The following IGF1R variants were observed in gnomAD, a reference collection of about 807,000 sequenced individuals.
IGF1R encodes insulin like growth factor 1 receptor, also known as insulin-like growth factor 1 receptor.
In IGF1R, 44 loss-of-function variants were observed where a neutral mutation model predicts 144.6. The ratio of observed to expected loss-of-function variants is 0.30; its 90% CI spans 0.24 to 0.39. The LOEUF (loss-of-function observed/expected upper bound fraction) is 0.39, where lower values mean the gene tolerates loss of function less well. Among genes scored for constraint, IGF1R ranks in the 10% least tolerant of loss-of-function variants. The probability of loss-of-function intolerance (pLI) is 1.00; values close to 1 mark genes in which losing one functional copy is unlikely to be tolerated. For synonymous variants in IGF1R, 795 were observed against 722.8 expected (o/e 1.10, Z -1.60); for missense variants, 1,355 against 1,833.7 (o/e 0.74, Z 4.77).
At chr15:98,671,659 G>A (rs1223326784) in intron 1 of IGF1R, among the ~76,000 whole-genome samples, 2 of 152,128 alleles carry the variant, frequency 1.3e-5, no homozygotes, top group African/African-American at 2.4e-5. Flanking sequence ...CTACATAAAA[G>A]AGCCAGGATT....
intron 1 of IGF1R, among the ~76,000 whole-genome samples, chr15:98,673,013 T>TA (rs1491566655): frequency 1.9e-4 from 29 of 152,060 alleles, no homozygotes; most frequent in Non-Finnish European, 4.1e-4. Flanking sequence ...TACTTTTTTT[T>TA]AAAAAAATGA....
At position 98,681,663 on chromosome 15, in the gene IGF1R, T is replaced by A. The variant is rs143374002; in HGVS notation, c.95-25899T>A. The stretch of plus-strand genomic sequence containing the variant: ...TCATGCTCCACCCTCAAGGCTATTC[T>A]TGGGGGAGTTGTGACATGGCTTTCA... On this transcript the variant is annotated intron_variant, in intron 1 of 20. Transcript: ENST00000650285. Among the ~76,000 whole-genome samples, 355 of 152,298 alleles carry A rather than the reference T, an allele frequency of 2.3e-3. 1 individual carries two copies. The highest frequency in any genetic ancestry group is 8.1e-3 in the African/African-American group (338 of 41,564).
chr15:98,884,079 C>T (rs1003478656), intron 2 of IGF1R, among the ~76,000 whole-genome samples: 11 of 152,126 alleles, frequency 7.2e-5, no homozygotes, highest in Admixed American at 2.6e-4. Flanking sequence ...CCCTCGAGCA[C>T]ATTTCTTTTA....
At chr15:98,931,444 C>G (rs1001240354) in intron 15 of IGF1R, among the ~76,000 whole-genome samples, 1 of 152,122 alleles carries the variant, frequency 6.6e-6, no homozygotes, top group Non-Finnish European at 1.5e-5. Context: ...TAGGGTTTTA[C>G]TATGGTTTCT....
intron 2 of IGF1R, among the ~76,000 whole-genome samples, chr15:98,743,600 G>A (rs1477231812): frequency 3.9e-5 from 6 of 152,194 alleles, no homozygotes; most frequent in African/African-American, 1.4e-4. Context: ...TGGAAAGGTG[G>A]GGAACCTGGA....
intron 1 of IGF1R, among the ~76,000 whole-genome samples, chr15:98,699,793 A>G (rs1204139400): frequency 6.6e-6 from 1 of 152,136 alleles, no homozygotes; most frequent in Admixed American, 6.5e-5. Context: ...TATTTTGTTG[A>G]TATGCATGAT....
rs2013888676 is a variant in IGF1R at position 98,891,150 on chromosome 15, A to G, written c.641-175A>G. Among the ~76,000 whole-genome samples, 1 of 152,178 alleles carries G rather than the reference A, an allele frequency of 6.6e-6. No homozygotes were observed. Among genetic ancestry groups the G allele is most frequent in the African/African-American group, 2.4e-5 (1 of 41,444 alleles). ...ATCGACTCTCTGCAGGTCTAAGTGG[A>G]TGAAAGGACAGTGGTGGGGGTGAGG... is the stretch of plus-strand genomic sequence containing the variant. On this transcript the variant is annotated intron_variant, in intron 2 of 20. Coordinates refer to ENST00000650285, the MANE Select transcript of IGF1R (RefSeq NM_000875.5). The surrounding 1 kb of genome is among the most constrained non-coding windows in gnomAD (Gnocchi z 4.7).
At chr15:98,665,172 T>C (rs889022241) in intron 1 of IGF1R, among the ~76,000 whole-genome samples, 6 of 152,090 alleles carry the variant, frequency 3.9e-5, no homozygotes, top group South Asian at 2.1e-4. Flanking sequence ...AGGATGGTCT[T>C]GATCTCCTGA....
At chr15:98,937,340 A>G (rs1384133334) in intron 17 of IGF1R, among the ~76,000 whole-genome samples, 2 of 152,190 alleles carry the variant, frequency 1.3e-5, no homozygotes, top group African/African-American at 2.4e-5. Flanking sequence ...CAGGCACAGA[A>G]TAAAAATTCA....
chr15:98,728,019 T>G lies in IGF1R; in HGVS notation c.640+19912T>G, dbSNP rs1171298556. Among the ~76,000 whole-genome samples, 3 of 150,800 alleles carry G rather than the reference T, an allele frequency of 2.0e-5. No individual in the cohort carries two copies. The East Asian group carries it at 5.9e-4, about 29-fold the overall frequency. On this transcript the variant is annotated intron_variant, in intron 2 of 20. Transcript: ENST00000650285. ...CTGAAGATGCATTGTTTTTTTTTTTTTTTTTTTTTTAAGCGAGCAGCAGCA... is the reference window on the plus strand; with the variant it reads ...CTGAAGATGCATTGTTTTTTTTTTTGTTTTTTTTTTAAGCGAGCAGCAGCA...
chr15:98,669,693 C>T (rs909824053), intron 1 of IGF1R, among the ~76,000 whole-genome samples: 1 of 152,232 alleles, frequency 6.6e-6, no homozygotes, highest in African/African-American at 2.4e-5. Context: ...CCTCCATCCT[C>T]TGGGCAGCCT....
intron 2 of IGF1R, among the ~76,000 whole-genome samples, chr15:98,781,002 A>G (rs1185219911): frequency 6.6e-6 from 1 of 152,198 alleles, no homozygotes; most frequent in African/African-American, 2.4e-5. Flanking sequence ...TACAATTGTC[A>G]TGTCCACTTC....
intron 6 of IGF1R, among the ~76,000 whole-genome samples, chr15:98,909,857 T>C (rs1192154235): frequency 6.6e-6 from 1 of 152,250 alleles, no homozygotes; most frequent in Non-Finnish European, 1.5e-5. Flanking sequence ...GATACAGCAG[T>C]GCCTTTCTCA....
At chr15:98,840,238 T>C (rs1387833555) in intron 2 of IGF1R, among the ~76,000 whole-genome samples, 5 of 152,168 alleles carry the variant, frequency 3.3e-5, no homozygotes, top group African/African-American at 1.2e-4. Flanking sequence ...GAGCACATGA[T>C]GTGAGAGCCT....
intron 2 of IGF1R, among the ~76,000 whole-genome samples, chr15:98,804,041 A>C (rs1255535926): frequency 6.6e-6 from 1 of 152,188 alleles, no homozygotes; most frequent in Non-Finnish European, 1.5e-5. Flanking sequence ...GTCACTAGGC[A>C]ATAGGAATTT....
chr15:98,949,099 C>T (rs1011042186), intron 20 of IGF1R, among the ~76,000 whole-genome samples: 1 of 152,142 alleles, frequency 6.6e-6, no homozygotes, highest in South Asian at 2.1e-4. Flanking sequence ...TCAAGAGCCC[C>T]GCGCCCCACC....
At chr15:98,911,103 A>G (rs1017900559) in intron 6 of IGF1R, among the ~76,000 whole-genome samples, 6 of 152,192 alleles carry the variant, frequency 3.9e-5, no homozygotes, top group African/African-American at 1.4e-4. Context: ...AGCGTAACTG[A>G]TTGACCTAAA....
intron 1 of IGF1R, among the ~76,000 whole-genome samples, chr15:98,661,571 C>T (rs2052599311): frequency 6.6e-6 from 1 of 152,206 alleles, no homozygotes; most frequent in South Asian, 2.1e-4. Context: ...GTGAACTTAG[C>T]TGGACAGCCT....
chr15:98,862,340 T>C (rs919878144), intron 2 of IGF1R, among the ~76,000 whole-genome samples: 2 of 152,260 alleles, frequency 1.3e-5, no homozygotes, highest in African/African-American at 4.8e-5. Context: ...TCGTGCATTT[T>C]GTTGACTGTT....
Sources: allele counts gnomAD v4.1 joint callset (sites outside exome capture counted in the v4.1 genomes callset), GRCh38; gene constraint gnomAD v4.1.1; non-coding constraint Gnocchi (gnomAD v3.1); transcripts MANE v1.5; gene names NCBI Gene and HGNC (gene_info 2026-07-23, HGNC 2026-07-21).